SLC36A3: variants seen among roughly 807,000 people sequenced by gnomAD.
The protein encoded by SLC36A3 is solute carrier family 36 member 3, also known as proton-coupled amino acid transporter 3.
Under a neutral mutation model 44.3 loss-of-function variants are expected in SLC36A3, and 35 were observed. The ratio of observed to expected loss-of-function variants is 0.79; its 90% confidence interval spans 0.60 to 1.05. The LOEUF (loss-of-function observed/expected upper bound fraction) is 1.05. SLC36A3 is among the 50% of genes least tolerant of loss of function. The probability of loss-of-function intolerance (pLI) is 0.00; values close to 1 mark genes in which losing one functional copy is unlikely to be tolerated. For synonymous variants in SLC36A3, 211 were observed against 227.6 expected, an observed-to-expected ratio of 0.93 and a Z score of 0.66; for missense variants, 540 against 578.7, an observed-to-expected ratio of 0.93 and a Z score of 0.69.
chr5:151,283,781 A>G (rs760115568), intron 8 of SLC36A3, among the ~76,000 whole-genome samples: 1 of 152,270 alleles, frequency 6.6e-6, no homozygotes, highest in Non-Finnish European at 1.5e-5. Context: ...CCCCACGGTC[A>G]CTGCATCAGG....
Position 151,302,837 on chromosome 5 carries a change from CTGGA to C in SLC36A3, c.128+386_128+389del, listed in dbSNP as rs1755208696. 7.3e-5 allele frequency among the ~76,000 whole-genome samples: 11 copies of C among 151,714 alleles called. 1 individual carries two copies. The South Asian group carries it at 2.3e-3, about 32-fold the overall frequency. ...ACATGGGGTTAGCACCTTTTGTTTT[CTGGA>C]TGGATGGCATGGGGGGTTGGGGAGA... On this transcript the variant is annotated intron_variant, in intron 1 of 9. Coordinates refer to ENST00000335230, the MANE Select transcript of SLC36A3 (RefSeq NM_181774.4).
chr5:151,277,637 C>CG lies in SLC36A3; in HGVS notation c.1168dup (p.Arg390ProfsTer33). On this transcript the variant is annotated frameshift_variant, in exon 10 of 10. Transcript: ENST00000335230. LOFTEE classifies it high-confidence loss of function. ...TACCAGGGAGATGACCAAGTCCAGG[C>CG]GGGGGATGAGGATGGCTGAGACACC... is the stretch of plus-strand genomic sequence containing the variant. 2 of 1,613,992 alleles carry CG rather than the reference C, an allele frequency of 1.2e-6. No homozygotes were observed. Among genetic ancestry groups the CG allele is most frequent in the Non-Finnish European group, 1.7e-6 (2 of 1,179,972 alleles).
At chr5:151,296,568 T>C (rs1258862997) in intron 2 of SLC36A3, 3 of 415,514 alleles carry the variant, frequency 7.2e-6, no homozygotes, top group Admixed American at 3.9e-5. Flanking sequence ...GAGTCCCTTG[T>C]GGTAAATTTA....
At chr5:151,296,986 G>A (rs1045537352) in intron 2 of SLC36A3, 9 of 152,286 alleles carry the variant, frequency 5.9e-5, no homozygotes, top group African/African-American at 1.7e-4. Context: ...GGGTATAAAC[G>A]GGGACCCTCT....
At chr5:151,299,394 T>TATATATAA (rs58121505) in intron 1 of SLC36A3, among the ~76,000 whole-genome samples, 3 of 133,026 alleles carry the variant, frequency 2.3e-5, no homozygotes, top group East Asian at 4.1e-4. Flanking sequence ...TATATATATA[T>TATATATAA]TATATATATA....
intron 1 of SLC36A3, 92 bp from the exon 2 acceptor site, chr5:151,298,775 C>T: frequency 7.5e-7 from 1 of 1,334,986 alleles, no homozygotes; most frequent in South Asian, 1.2e-5. Context: ...CTCCAGAGCG[C>T]CTGATAGGAA....
At chr5:151,279,524 A>T (rs1754230641) in intron 9 of SLC36A3, among the ~76,000 whole-genome samples, 1 of 152,236 alleles carries the variant, frequency 6.6e-6, no homozygotes, top group Admixed American at 6.5e-5. Context: ...GACTTTCAGC[A>T]TATATCAAAA....
rs1477403028 is a variant in SLC36A3, at chr5:151,280,305, T to G, written c.1144+709A>C. ...CCCGTCTCTACTAAAAATACAAAAA[T>G]TAGCCGGGCATGGTGGCAGGTGCCT... On this transcript the variant is annotated intron_variant, in intron 9 of 9. Transcript: ENST00000335230. 2.0e-5 allele frequency among the ~76,000 whole-genome samples: 3 copies of G among 152,148 alleles called. No individual in the cohort carries two copies. In the East Asian group the frequency reaches 5.8e-4, roughly 29 times the overall value.
intron 2 of SLC36A3, 144 bp from the exon 3 acceptor site, chr5:151,296,412 C>T (rs1439787650): frequency 2.9e-6 from 2 of 678,372 alleles, no homozygotes; most frequent in African/African-American, 3.6e-5. Context: ...CCTCATGCTC[C>T]CAGATGCTAG....
At position 151,298,659 on chromosome 5, in the gene SLC36A3, C is replaced by A; in HGVS notation, c.153G>T (p.Leu51Phe). 1 of 1,614,112 alleles carries A rather than the reference C, an allele frequency of 6.2e-7. No homozygotes were observed. Among genetic ancestry groups the A allele is most frequent in the South Asian group, 1.1e-5 (1 of 91,074 alleles). ...GCCCTGTGCCAATGTTGCATTTCAA[C>A]AAGTGGATCAAAGTTTGCATCATCC... Reference protein sequence around the residue: ...GLSMMQTLIHLLKCNIGTGLL... With the variant: ...GLSMMQTLIHFLKCNIGTGLL... Residue 51 changes from leucine to phenylalanine, a missense_variant, in exon 2 of 10, where the codon TTG becomes TTT. Leu to Phe is a conservative substitution (Grantham distance 22). Coordinates refer to ENST00000335230, the MANE Select transcript of SLC36A3 (RefSeq NM_181774.4).
chr5:151,300,849 T>G (rs563963842), intron 1 of SLC36A3, among the ~76,000 whole-genome samples: 1 of 152,364 alleles, frequency 6.6e-6, no homozygotes, highest in Non-Finnish European at 1.5e-5. Flanking sequence ...CATCTTTATT[T>G]GCTCTAAATG....
chr5:151,282,784 C>T (rs1251608378), intron 8 of SLC36A3, among the ~76,000 whole-genome samples: 1 of 152,192 alleles, frequency 6.6e-6, no homozygotes, highest in Admixed American at 6.5e-5. Context: ...ATAAAAAGAC[C>T]TGCTTTCCCA....
chr5:151,298,529 C>T, intron 2 of SLC36A3, 64 bp downstream of exon 2: 1 of 1,534,302 alleles, frequency 6.5e-7, no homozygotes, highest in Non-Finnish European at 9.0e-7. Context: ...TGAAGGCCTT[C>T]AGGACCTATC....
intron 7 of SLC36A3, 36 bp downstream of exon 7, chr5:151,284,577 G>T (rs779196546): frequency 6.5e-6 from 10 of 1,527,808 alleles, no homozygotes; most frequent in Non-Finnish European, 9.0e-6. Flanking sequence ...TGTAGAGGGC[G>T]CTAGGGACCA....
chr5:151,283,920 G>A (rs1209335467), intron 8 of SLC36A3, 124 bp downstream of exon 8: 3 of 1,240,184 alleles, frequency 2.4e-6, no homozygotes, highest in East Asian at 5.0e-5. Flanking sequence ...GAGCAGGAGA[G>A]ACATATGTCA....
rs778916895 is a variant in SLC36A3, at chr5:151,284,154, G to A, written c.864C>T (p.Tyr288=). The change falls in exon 8 of 10, where the codon TAC becomes TAT. Residue 288 remains tyrosine, a synonymous_variant. Transcript: ENST00000335230. ...KHPQQFSFVL[Y]LGMSIVIILY... is the part of the protein sequence containing the mutation. The stretch of plus-strand genomic sequence containing the variant: ...GGATGATGACAATGGACATCCCCAA[G>A]TACAGAACAAAAGAAAACTGCTGTG... 2 of 1,613,926 alleles carry A rather than the reference G, an allele frequency of 1.2e-6. No individual in the cohort carries two copies. Among genetic ancestry groups the A allele is most frequent in the South Asian group, 1.1e-5 (1 of 91,038 alleles).
At chr5:151,286,193 T>A (rs1754528525) in intron 6 of SLC36A3, among the ~76,000 whole-genome samples, 1 of 152,246 alleles carries the variant, frequency 6.6e-6, no homozygotes, top group African/African-American at 2.4e-5. Flanking sequence ...TAGTTGTTCC[T>A]TGGTCTCCAT....
At chr5:151,299,266 A>C (rs3857425) in intron 1 of SLC36A3, among the ~76,000 whole-genome samples, 4,276 of 57,904 alleles carry the variant, frequency 0.074, 48 homozygotes, top group Non-Finnish European at 0.094. Context: ...CTCTCTCTCT[A>C]TATATATATA....
chr5:151,293,739 G>A (rs532516459), intron 3 of SLC36A3, among the ~76,000 whole-genome samples: 3 of 152,236 alleles, frequency 2.0e-5, no homozygotes, highest in Admixed American at 1.3e-4. Context: ...TGCAAAGCAG[G>A]AAAGGGGATA....
Sources: allele counts gnomAD v4.1 joint callset (sites outside exome capture counted in the v4.1 genomes callset), GRCh38; gene constraint gnomAD v4.1.1; transcripts MANE v1.5; gene names NCBI Gene and HGNC (gene_info 2026-07-23, HGNC 2026-07-21).